CARNMT1: variants seen among roughly 807,000 people sequenced by gnomAD.
CARNMT1 encodes the protein carnosine N-methyltransferase 1.
CARNMT1 carries 28 observed loss-of-function variants against 49.6 expected under a neutral mutation model. The ratio of observed to expected loss-of-function variants is 0.56; its 90% CI spans 0.42 to 0.77. CARNMT1 has a LOEUF of 0.77. CARNMT1 is among the 30% of genes least tolerant of loss of function. CARNMT1 has a pLI of 0.00. For missense variants in CARNMT1, 421 were observed against 512.6 expected, an observed-to-expected ratio of 0.82 and a Z score of 1.73; for synonymous variants, 178 against 175.0, an observed-to-expected ratio of 1.02 and a Z score of -0.13.
At chr9:75,018,821 G>A (rs1471706425) in intron 1 of CARNMT1, among the ~76,000 whole-genome samples, 1 of 151,998 alleles carries the variant, frequency 6.6e-6, no homozygotes, top group Non-Finnish European at 1.5e-5. Context: ...ATAAAAATTG[G>A]CTGGGCATGG....
intron 3 of CARNMT1, among the ~76,000 whole-genome samples, chr9:75,012,917 C>CAAAAA (rs902857324): frequency 9.3e-6 from 1 of 107,440 alleles, no homozygotes; most frequent in Non-Finnish European, 2.0e-5. Flanking sequence ...GACTCCGTCT[C>CAAAAA]AAAAAAAAAA....
chr9:75,017,585 TA>T (rs35336057), intron 1 of CARNMT1, 137 bp from the exon 2 acceptor site: 1 of 705,052 alleles, frequency 1.4e-6, no homozygotes, highest in Non-Finnish European at 2.3e-6. Context: ...CTCTTGGCTT[TA>T]AAAAGGCATT....
rs1822592130 is a variant in CARNMT1, at chr9:75,028,267, C to T, written c.-26G>A. 3 of 1,355,182 alleles carry T rather than the reference C, an allele frequency of 2.2e-6. No homozygotes were observed. The highest frequency in any genetic ancestry group is 3.1e-5 in the East Asian group (1 of 32,076). The allele number at this position is 1,355,182 out of a possible 1,614,324, so 83.9% of individuals were successfully genotyped here. A position where few individuals can be genotyped will look rare whatever the true frequency, so the allele number is the denominator to read the frequency against. ...CGCCGCCGCGGCCCTCGGCCTGGCT[C>T]GCTTGCGTCTCTCCGCGACCGACAG... On this transcript the variant is annotated 5_prime_UTR_variant, in exon 1 of 8. Coordinates refer to ENST00000376834, the MANE Select transcript of CARNMT1 (RefSeq NM_152420.3).
At chr9:74,992,658 C>A (rs978635763) in intron 6 of CARNMT1, among the ~76,000 whole-genome samples, 1 of 152,198 alleles carries the variant, frequency 6.6e-6, no homozygotes, top group East Asian at 1.9e-4. Context: ...AAAAGGCTTA[C>A]TAGCTTTCCT....
intron 1 of CARNMT1, among the ~76,000 whole-genome samples, chr9:75,026,321 T>C (rs929513478): frequency 6.6e-6 from 1 of 152,174 alleles, no homozygotes; most frequent in Non-Finnish European, 1.5e-5. Flanking sequence ...TACTTACCCA[T>C]AAATATCAAT....
intron 1 of CARNMT1, among the ~76,000 whole-genome samples, chr9:75,025,855 A>G (rs1822510632): frequency 6.6e-6 from 1 of 152,216 alleles, no homozygotes; most frequent in African/African-American, 2.4e-5. Context: ...CTCTAGCCAC[A>G]TGTAGCTATT....
At chr9:74,987,424 T>C (rs1425320095) in intron 6 of CARNMT1, among the ~76,000 whole-genome samples, 1 of 152,168 alleles carries the variant, frequency 6.6e-6, no homozygotes, top group Non-Finnish European at 1.5e-5. Context: ...AAATGTAATA[T>C]ATCAAATGGA....
chr9:74,999,125 T>A (rs1833283950), intron 4 of CARNMT1, among the ~76,000 whole-genome samples: 1 of 152,208 alleles, frequency 6.6e-6, no homozygotes, highest in South Asian at 2.1e-4. Context: ...ATTTTTTGTA[T>A]AACCCTCTTC....
At chr9:74,998,251 C>T (rs1833252019) in intron 5 of CARNMT1, among the ~76,000 whole-genome samples, 1 of 152,196 alleles carries the variant, frequency 6.6e-6, no homozygotes, top group African/African-American at 2.4e-5. Flanking sequence ...GCCTCAAATG[C>T]TATTCTCTCA....
At chr9:75,011,047 T>C (rs186188498) in intron 3 of CARNMT1, among the ~76,000 whole-genome samples, 6 of 152,288 alleles carry the variant, frequency 3.9e-5, no homozygotes, top group African/African-American at 1.4e-4. Context: ...CATGACCCTT[T>C]AACATATGAA....
intron 3 of CARNMT1, among the ~76,000 whole-genome samples, chr9:75,001,406 C>T (rs575247881): frequency 2.0e-5 from 3 of 152,280 alleles, no homozygotes; most frequent in South Asian, 2.1e-4. Context: ...AACCATAGAA[C>T]TCTCCACCTC....
intron 6 of CARNMT1, among the ~76,000 whole-genome samples, chr9:74,985,617 C>T (rs574902484): frequency 6.6e-6 from 1 of 151,890 alleles, no homozygotes; most frequent in African/African-American, 2.4e-5. Flanking sequence ...ACTCTGTTGC[C>T]CAGGAAGGGT....
intron 3 of CARNMT1, among the ~76,000 whole-genome samples, chr9:75,008,581 C>T (rs1216071077): frequency 6.6e-6 from 1 of 152,180 alleles, no homozygotes; most frequent in Admixed American, 6.5e-5. Context: ...GCTGGGATTA[C>T]AGGCATGAGC....
intron 1 of CARNMT1, among the ~76,000 whole-genome samples, 197 bp from the exon 2 acceptor site, chr9:75,017,645 A>C (rs1341306312): frequency 6.6e-6 from 1 of 152,216 alleles, no homozygotes; most frequent in Non-Finnish European, 1.5e-5. Flanking sequence ...TCCTTCTCTA[A>C]GCAACCAAAA....
In CARNMT1 at chr9:74,998,610, A is replaced by G. The variant is rs768837854; in HGVS notation, c.898T>C (p.Tyr300His). Residue 300 changes from tyrosine to histidine, a missense_variant, in exon 5 of 8, where the codon TAT (tyrosine) becomes CAT (histidine). Coordinates refer to ENST00000376834, the MANE Select transcript of CARNMT1 (RefSeq NM_152420.3). ...SMTAGDFQEIYSECNTWDCIA... is the reference protein window; with the variant it reads ...SMTAGDFQEIHSECNTWDCIA... ...GATTTGGACTTACTGCATTCTGAAT[A>G]AATCTCTTGAAAATCTCCTGCTGTC... 1 of 1,583,346 alleles carries G rather than the reference A, an allele frequency of 6.3e-7. No individual in the cohort carries two copies. The highest frequency in any genetic ancestry group is 8.6e-7 in the Non-Finnish European group (1 of 1,168,374).
chr9:75,015,444 A>G (rs1485862835), intron 3 of CARNMT1, among the ~76,000 whole-genome samples: 1 of 152,184 alleles, frequency 6.6e-6, no homozygotes, highest in Non-Finnish European at 1.5e-5. Flanking sequence ...CTGTATTTCA[A>G]AATCAGTTTT....
At chr9:75,022,212 A>ATTT (rs1822386813) in intron 1 of CARNMT1, among the ~76,000 whole-genome samples, 1 of 111,252 alleles carries the variant, frequency 9.0e-6, no homozygotes. Context: ...GAGAAGGAAT[A>ATTT]CTTTTTTTTT....
chr9:74,995,539 A>C (rs1833162313), intron 6 of CARNMT1, among the ~76,000 whole-genome samples: 1 of 152,144 alleles, frequency 6.6e-6, no homozygotes, highest in East Asian at 1.9e-4. Context: ...GTCCTAAGGA[A>C]TTCTTAAGAG....
At chr9:74,990,513 G>T (rs1832978682) in intron 6 of CARNMT1, among the ~76,000 whole-genome samples, 1 of 151,992 alleles carries the variant, frequency 6.6e-6, no homozygotes, top group Admixed American at 6.6e-5. Context: ...TTTTCTTAAG[G>T]CCCTCCTTTG....
Sources: gnomAD v4.1 joint callset for allele counts (sites outside exome capture counted in the v4.1 genomes callset) on GRCh38, gnomAD v4.1.1 for gene constraint, MANE v1.5 for transcripts, NCBI Gene and HGNC (gene_info 2026-07-23, HGNC 2026-07-21) for gene names.